ZFHX3: variants seen among roughly 807,000 people sequenced by gnomAD.
The protein encoded by ZFHX3 is zinc finger homeobox protein 3.
ZFHX3 carries 42 observed loss-of-function variants against 279.1 expected under a neutral mutation model. The ratio of observed to expected loss-of-function variants is 0.15; its 90% CI spans 0.12 to 0.19. The LOEUF (loss-of-function observed/expected upper bound fraction) is 0.19, where lower values mean the gene tolerates loss of function less well. ZFHX3 is among the 10% of genes least tolerant of loss of function. The pLI is 1.00. For missense variants in ZFHX3, 4,981 were observed against 4,754.0 expected (o/e 1.05, Z -1.40); for synonymous variants, 2,293 against 1,957.8 (o/e 1.17, Z -4.52).
chr16:73,514,271 T>C (rs1597365822), intron 2 of ZFHX3, among the ~76,000 whole-genome samples: 2 of 151,802 alleles, frequency 1.3e-5, no homozygotes, highest in Admixed American at 6.6e-5. Flanking sequence ...AAAATAAAAG[T>C]GATATTGGAG....
At chr16:72,945,889 T>C (rs1188812688) in intron 3 of ZFHX3, among the ~76,000 whole-genome samples, 1 of 151,986 alleles carries the variant, frequency 6.6e-6, no homozygotes, top group East Asian at 1.9e-4. Flanking sequence ...GTAAAATGTG[T>C]AGCTATCTTC....
intron 4 of ZFHX3, among the ~76,000 whole-genome samples, chr16:73,280,063 A>G (rs1490892386): frequency 6.6e-6 from 1 of 152,202 alleles, no homozygotes; most frequent in African/African-American, 2.4e-5. Flanking sequence ...AACTGGACAC[A>G]CACATGCAAA....
At chr16:73,626,635 C>G (rs1338550129) in intron 2 of ZFHX3, among the ~76,000 whole-genome samples, 1 of 152,154 alleles carries the variant, frequency 6.6e-6, no homozygotes, top group African/African-American at 2.4e-5. Context: ...CCTTTGCTGT[C>G]AGTACCATCT....
chr16:73,319,121 C>G (rs2015519012), intron 3 of ZFHX3, among the ~76,000 whole-genome samples: 1 of 151,144 alleles, frequency 6.6e-6, no homozygotes. Context: ...ATGGGGGGGG[C>G]AGAGGACGCA....
intron 3 of ZFHX3, among the ~76,000 whole-genome samples, chr16:73,328,328 T>A (rs2015733477): frequency 6.6e-6 from 1 of 152,192 alleles, no homozygotes; most frequent in Admixed American, 6.5e-5. Flanking sequence ...ATCTGGTCAA[T>A]ATCAGGAAAT....
At chr16:73,504,690 C>T (rs1215634973) in intron 2 of ZFHX3, 3 of 152,264 alleles carry the variant, frequency 2.0e-5, no homozygotes, top group African/African-American at 7.2e-5. Context: ...GGAGGAGAGT[C>T]CGCATGGGTT....
rs186687949 is a variant in ZFHX3 at position 73,428,380 on chromosome 16, C to T, written c.-1291+27623G>A. On this transcript the variant is annotated intron_variant, in intron 3 of 17. Transcript: ENST00000641206. ...AGCTTCCCATTCTGGCAGCCTGCAT[C>T]GGTCCATGCAATGCACGAGCCAGGA... Among the ~76,000 whole-genome samples the T allele has an allele frequency of 2.5e-3, 377 of 152,254 alleles. 9 individuals are homozygous for T. Among genetic ancestry groups the T allele is most frequent in the Admixed American group, 0.022 (341 of 15,300 alleles).
chr16:73,093,136 C>T (rs375757471), intron 8 of ZFHX3: 23 of 519,934 alleles, frequency 4.4e-5, no homozygotes, highest in Admixed American at 3.5e-4. Context: ...AGAACAACCC[C>T]GACAGCTGCA....
At chr16:73,216,587 C>G (rs776249004) in intron 5 of ZFHX3, among the ~76,000 whole-genome samples, 5 of 152,076 alleles carry the variant, frequency 3.3e-5, no homozygotes, top group Non-Finnish European at 5.9e-5. Flanking sequence ...TTACAGCCTG[C>G]CTGATTTTGA....
Position 73,009,804 on chromosome 16 carries a change from T to C in ZFHX3, c.-50+37948A>G, listed in dbSNP as rs531260963. 1.4e-4 allele frequency among the ~76,000 whole-genome samples: 22 copies of C among 152,086 alleles called. No homozygotes were observed. The East Asian group carries it at 3.9e-3, about 27-fold the overall frequency. On this transcript the variant is annotated intron_variant, in intron 1 of 9. Coordinates refer to ENST00000268489, the MANE Select transcript of ZFHX3 (RefSeq NM_006885.4). ...CAGAGGCCGACGCAGGCGAATCACT[T>C]GAGGTCAGGAGTTCGAGACAAGCCT...
At chr16:73,746,111 G>A (rs1002843034) in intron 1 of ZFHX3, among the ~76,000 whole-genome samples, 1 of 151,958 alleles carries the variant, frequency 6.6e-6, no homozygotes, top group African/African-American at 2.4e-5. Flanking sequence ...AAATGGGAGG[G>A]GAATGGGTGG....
chr16:73,127,864 C>A (rs1008903519), intron 7 of ZFHX3, among the ~76,000 whole-genome samples: 2 of 152,098 alleles, frequency 1.3e-5, no homozygotes, highest in Non-Finnish European at 1.5e-5. Context: ...AATTCTTTTT[C>A]TTGAATTAGA....
chr16:73,552,145 T>G (rs2020212499), intron 2 of ZFHX3, among the ~76,000 whole-genome samples: 1 of 152,126 alleles, frequency 6.6e-6, no homozygotes, highest in African/African-American at 2.4e-5. Flanking sequence ...AGAAATAAAT[T>G]GCATTGATCT....
intron 8 of ZFHX3, 82 bp downstream of exon 8, chr16:72,799,935 TATTGTAAAGA>T (rs2036044055): frequency 8.9e-7 from 1 of 1,119,156 alleles, no homozygotes; most frequent in South Asian, 1.3e-5. Context: ...ACCTTAAGAG[TATTGTAAAGA>T]ATTCCTGAAA....
chr16:72,895,813 G>A (rs1355972757), intron 3 of ZFHX3, among the ~76,000 whole-genome samples: 1 of 152,176 alleles, frequency 6.6e-6, no homozygotes, highest in Non-Finnish European at 1.5e-5. Flanking sequence ...CACAGAGTGA[G>A]ACCCTGTCTC....
chr16:73,024,723 T>G (rs949709188), intron 1 of ZFHX3, among the ~76,000 whole-genome samples: 1 of 152,126 alleles, frequency 6.6e-6, no homozygotes, highest in Non-Finnish European at 1.5e-5. Flanking sequence ...TCTAGAAGAC[T>G]CCAGGGTCTG....
intron 3 of ZFHX3, among the ~76,000 whole-genome samples, chr16:73,364,838 G>T (rs2016502668): frequency 6.6e-6 from 1 of 152,168 alleles, no homozygotes; most frequent in Non-Finnish European, 1.5e-5. Context: ...TATAGCTAAA[G>T]TCTAGATATT....
intron 2 of ZFHX3, among the ~76,000 whole-genome samples, chr16:73,656,319 C>A (rs1377472084): frequency 6.6e-6 from 1 of 152,036 alleles, no homozygotes; most frequent in Admixed American, 6.6e-5. Flanking sequence ...TAATGTTGAC[C>A]CCCCAAAAAA....
chr16:73,489,502 T>G (rs940059526), intron 2 of ZFHX3, among the ~76,000 whole-genome samples: 1 of 152,206 alleles, frequency 6.6e-6, no homozygotes, highest in Non-Finnish European at 1.5e-5. Context: ...TCTGGAATAA[T>G]TCAGCAATTA....
Sources: gnomAD v4.1 joint callset for allele counts (sites outside exome capture counted in the v4.1 genomes callset) on GRCh38, gnomAD v4.1.1 for gene constraint, MANE v1.5 for transcripts, NCBI Gene and HGNC (gene_info 2026-07-23, HGNC 2026-07-21) for gene names.